The following NAT10 variants were observed in gnomAD, a reference collection of about 807,000 sequenced individuals.
NAT10 encodes the protein N-acetyltransferase 10, also known as RNA cytidine acetyltransferase.
NAT10 carries 109 observed loss-of-function variants against 132.2 expected under a neutral mutation model. That is an observed-to-expected ratio of 0.82 (90% CI 0.71 to 0.97). The LOEUF (loss-of-function observed/expected upper bound fraction) is 0.97, where lower values mean the gene tolerates loss of function less well. Ranked by LOEUF, NAT10 falls within the 50% of genes least tolerant of loss-of-function variation. NAT10 has a pLI of 0.00. For synonymous variants in NAT10, 479 were observed against 478.0 expected (o/e 1.00, Z -0.03); for missense variants, 1,184 against 1,263.4 (o/e 0.94, Z 0.95).
At chr11:34,115,682 T>C (rs1277394420) in intron 5 of NAT10, 141 bp from the exon 6 acceptor site, 1 of 649,372 alleles carries the variant, frequency 1.5e-6, no homozygotes, top group African/African-American at 1.8e-5. Flanking sequence ...GCAAATACCA[T>C]TTGGCACAGC....
chr11:34,127,362 G>C, intron 11 of NAT10, 101 bp from the exon 12 acceptor site: 1 of 1,268,902 alleles, frequency 7.9e-7, no homozygotes. Flanking sequence ...AAGGAAACAG[G>C]GAGAGAGAGG....
intron 2 of NAT10, 39 bp from the exon 3 acceptor site, chr11:34,108,703 C>T (rs368552427): frequency 2.5e-6 from 4 of 1,583,358 alleles, no homozygotes; most frequent in African/African-American, 2.7e-5. Flanking sequence ...TCTAAAGTCT[C>T]TTTTGTGCCT....
chr11:34,144,689 T>C (rs1342622331), intron 28 of NAT10, among the ~76,000 whole-genome samples: 2 of 152,022 alleles, frequency 1.3e-5, no homozygotes, highest in African/African-American at 2.4e-5. Flanking sequence ...ATCTGCAGAG[T>C]GGTGCATTTG....
intron 11 of NAT10, among the ~76,000 whole-genome samples, chr11:34,125,208 A>C (rs1851965563): frequency 6.6e-6 from 1 of 152,190 alleles, no homozygotes; most frequent in Non-Finnish European, 1.5e-5. Flanking sequence ...GAATCTCTTC[A>C]TTCTGTACAT....
At chr11:34,124,188 A>T in intron 10 of NAT10, 114 bp from the exon 11 acceptor site, 1 of 691,952 alleles carries the variant, frequency 1.4e-6, no homozygotes, top group Non-Finnish European at 2.4e-6. Context: ...TTTTATTTTG[A>T]TACAGTGCTG....
At chr11:34,135,027 C>T (rs953136510) in intron 18 of NAT10, 148 bp from the exon 19 acceptor site, 6 of 681,694 alleles carry the variant, frequency 8.8e-6, no homozygotes, top group Non-Finnish European at 1.6e-5. Context: ...TCTGCTTTGA[C>T]CTCACTCAGG....
rs776205486 is a variant in NAT10 at position 34,140,566 on chromosome 11, T to C, written c.2586T>C (p.Ala862=). The C allele has an allele frequency of 1.9e-6, 3 of 1,613,798 alleles. No individual in the cohort carries two copies. Among genetic ancestry groups the C allele is most frequent in the African/African-American group, 2.7e-5 (2 of 74,912 alleles). Residue 862 remains alanine, a synonymous_variant, in exon 24 of 29, where the codon GCT becomes GCC. Coordinates refer to ENST00000257829, the MANE Select transcript of NAT10 (RefSeq NM_024662.3). The part of the protein sequence containing the change: ...NQLGDLALSA[A]QSALLLGIGL... ...TGGGGGACCTGGCCCTGTCTGCGGCTCAGTCGGTATGCTATCTGTTGCTTG... is the reference window on the plus strand; with the variant it reads ...TGGGGGACCTGGCCCTGTCTGCGGCCCAGTCGGTATGCTATCTGTTGCTTG...
In NAT10 at chr11:34,142,276, A is replaced by G; in HGVS notation, c.2813A>G (p.Asp938Gly). The change falls in exon 27 of 29, where the codon GAT (aspartate) becomes GGT (glycine). Residue 938 changes from aspartate (D) to glycine (G), a missense_variant and splice_region_variant. Physicochemically the swap from Asp to Gly is moderately conservative, Grantham distance 94. Coordinates refer to ENST00000257829, the MANE Select transcript of NAT10 (RefSeq NM_024662.3). ...PTMKTLSDDL[D>G]EAAKEFQEKH... ...CTCTTTATGGGTCCTTAACCACAGGATGAAGCAGCAAAGGAATTTCAGGAG... is the reference window on the plus strand; with the variant it reads ...CTCTTTATGGGTCCTTAACCACAGGGTGAAGCAGCAAAGGAATTTCAGGAG... 3 of 1,614,024 alleles carry G rather than the reference A, an allele frequency of 1.9e-6. No homozygotes were observed. Among genetic ancestry groups the G allele is most frequent in the Non-Finnish European group, 2.5e-6 (3 of 1,179,918 alleles).
At position 34,141,157 on chromosome 11, in the gene NAT10, C is replaced by T. The variant is rs142246385; in HGVS notation, c.2661C>T (p.Pro887=). 32 of 1,613,860 alleles carry T rather than the reference C, an allele frequency of 2.0e-5. No individual in the cohort carries two copies. The highest frequency in any genetic ancestry group is 2.1e-5 in the Non-Finnish European group (25 of 1,179,996). The part of the protein sequence containing the change: ...VDQLEKEIEL[P]SGQLMGLFNR... ...AGCTGGAAAAGGAGATTGAGCTGCCCTCGGGCCAGTTGATGGGACTTTTCA... is the reference window on the plus strand; with the variant it reads ...AGCTGGAAAAGGAGATTGAGCTGCCTTCGGGCCAGTTGATGGGACTTTTCA... The change falls in exon 25 of 29, where the codon CCC becomes CCT. Residue 887 remains proline (P), a synonymous_variant. Coordinates refer to ENST00000257829, the MANE Select transcript of NAT10 (RefSeq NM_024662.3).
At chr11:34,136,037 A>G (rs1228224079) in intron 19 of NAT10, among the ~76,000 whole-genome samples, 1 of 151,624 alleles carries the variant, frequency 6.6e-6, no homozygotes, top group African/African-American at 2.4e-5. Context: ...CCTGGACTTC[A>G]TGCTGGATCA....
intron 4 of NAT10, among the ~76,000 whole-genome samples, chr11:34,112,491 C>T (rs1385259407): frequency 6.6e-6 from 1 of 152,252 alleles, no homozygotes; most frequent in Non-Finnish European, 1.5e-5. Context: ...CTAGCTAAAG[C>T]TGATAAAGCA....
At chr11:34,130,663 C>T in intron 12 of NAT10, 150 bp from the exon 13 acceptor site, 1 of 1,041,716 alleles carries the variant, frequency 9.6e-7, no homozygotes, top group Non-Finnish European at 1.4e-6. Flanking sequence ...GGACAGGTGC[C>T]TGCTATGCTG....
intron 14 of NAT10, 75 bp downstream of exon 14, chr11:34,131,606 T>A: frequency 6.9e-7 from 1 of 1,453,072 alleles, no homozygotes; most frequent in Non-Finnish European, 9.3e-7. Flanking sequence ...CTTGAGTCCT[T>A]TGTTTCATAG....
intron 27 of NAT10, among the ~76,000 whole-genome samples, 178 bp from the exon 28 acceptor site, chr11:34,143,267 C>T (rs1192713159): frequency 1.3e-5 from 2 of 152,236 alleles, no homozygotes; most frequent in East Asian, 3.9e-4. Context: ...CACCATGTCT[C>T]TTGGCCCTCC....
chr11:34,121,955 C>T (rs562756832), intron 8 of NAT10, among the ~76,000 whole-genome samples: 7 of 150,194 alleles, frequency 4.7e-5, no homozygotes, highest in Non-Finnish European at 8.9e-5. Flanking sequence ...GCAGGCGGAT[C>T]GCCTGAGGTT....
chr11:34,113,204 G>A (rs1257734917), intron 4 of NAT10, among the ~76,000 whole-genome samples: 1 of 152,200 alleles, frequency 6.6e-6, no homozygotes, highest in Non-Finnish European at 1.5e-5. Context: ...AAACAGGTTT[G>A]AGCTATAAAT....
chr11:34,110,318 G>A (rs1851670876), intron 3 of NAT10, among the ~76,000 whole-genome samples: 1 of 151,362 alleles, frequency 6.6e-6, no homozygotes, highest in African/African-American at 2.4e-5. Context: ...CCTTTTCTTT[G>A]CTCATGCTGT....
rs553958002 is a variant in NAT10, at chr11:34,140,717, C to T, written c.2592+145C>T. ...GGTGGGTAGTGGCATCCTCATTCTA[C>T]AGGTCAGGAAACCTGGGCTCTGAAG... On this transcript the variant is annotated intron_variant, in intron 24 of 28. Transcript: ENST00000257829. 47 of 995,272 alleles carry T rather than the reference C, an allele frequency of 4.7e-5. No homozygotes were observed. In the Admixed American group the frequency reaches 7.0e-4, roughly 15 times the overall value. 61.7% of individuals were successfully genotyped at this position (995,272 alleles called of 1,614,324 possible).
intron 23 of NAT10, among the ~76,000 whole-genome samples, chr11:34,139,784 G>C (rs750099868): frequency 6.6e-6 from 1 of 152,106 alleles, no homozygotes; most frequent in Non-Finnish European, 1.5e-5. Flanking sequence ...AGGGGAGTGA[G>C]GTGCTCCATC....
Sources: allele counts gnomAD v4.1 joint callset (sites outside exome capture counted in the v4.1 genomes callset), GRCh38; gene constraint gnomAD v4.1.1; transcripts MANE v1.5; gene names NCBI Gene and HGNC (gene_info 2026-07-23, HGNC 2026-07-21).